PLCXD3: variants seen among roughly 807,000 people sequenced by gnomAD.
The protein encoded by PLCXD3 is phosphatidylinositol specific phospholipase C X domain containing 3.
Under a neutral mutation model 25.5 loss-of-function variants are expected in PLCXD3, and 19 were observed. That is an observed-to-expected ratio of 0.75 (90% CI 0.52 to 1.09). The LOEUF (loss-of-function observed/expected upper bound fraction) is 1.09. PLCXD3 is among the 50% of genes least tolerant of loss of function. PLCXD3 has a pLI of 0.00. For missense variants in PLCXD3, 411 were observed against 388.1 expected (o/e 1.06, Z -0.50); for synonymous variants, 174 against 137.6 (o/e 1.26, Z -1.85).
rs545196395 is a variant in PLCXD3, at chr5:41,390,184, GT to G, written c.104-7651del. Among the ~76,000 whole-genome samples, 163 of 152,026 alleles carry G rather than the reference GT, an allele frequency of 1.1e-3. 1 individual carries two copies. The highest frequency in any genetic ancestry group is 3.7e-3 in the African/African-American group (154 of 41,472). On this transcript the variant is annotated intron_variant, in intron 1 of 2. Coordinates refer to ENST00000377801, the MANE Select transcript of PLCXD3 (RefSeq NM_001005473.3). ...TCCTATATTGTTGTATGTATCAGTA[GT>G]TTTTTTTCTTTTTATTGCTAAATCA...
chr5:41,494,957 AAT>A (rs1748802646), intron 1 of PLCXD3, among the ~76,000 whole-genome samples: 3 of 152,352 alleles, frequency 2.0e-5, no homozygotes, highest in Admixed American at 2.0e-4. Context: ...GGTTAGGAGT[AAT>A]GTCAGCAAGA....
chr5:41,489,662 A>C (rs897157636), intron 1 of PLCXD3, among the ~76,000 whole-genome samples: 3 of 151,754 alleles, frequency 2.0e-5, no homozygotes, highest in African/African-American at 7.3e-5. Flanking sequence ...TGTAAGTTGG[A>C]TTCCTAGGTA....
intron 1 of PLCXD3, among the ~76,000 whole-genome samples, chr5:41,420,305 T>C (rs1210943260): frequency 6.6e-6 from 1 of 152,182 alleles, no homozygotes; most frequent in Non-Finnish European, 1.5e-5. Flanking sequence ...GATGAATATA[T>C]TGTGCTCGTT....
chr5:41,403,398 G>GTTTTTTTTTTTTTTTTGTTGTTT (rs764950342), intron 1 of PLCXD3, among the ~76,000 whole-genome samples: 1 of 33,990 alleles, frequency 2.9e-5, no homozygotes, highest in Non-Finnish European at 6.5e-5. Context: ...TGACTTATTT[G>GTTTTTTTTTTTTTTTTGTTGTTT]TTGTTTTTTT....
At chr5:41,498,907 A>G (rs1404986604) in intron 1 of PLCXD3, among the ~76,000 whole-genome samples, 3 of 151,762 alleles carry the variant, frequency 2.0e-5, no homozygotes, top group Admixed American at 2.0e-4. Context: ...TAAAAATAAC[A>G]TGATCATATC....
intron 1 of PLCXD3, among the ~76,000 whole-genome samples, chr5:41,443,474 T>A (rs1747427768): frequency 6.6e-6 from 1 of 152,206 alleles, no homozygotes; most frequent in South Asian, 2.1e-4. Flanking sequence ...TGACTGTATA[T>A]ATATTAGTTG....
At chr5:41,362,982 T>C (rs182596959) in intron 2 of PLCXD3, among the ~76,000 whole-genome samples, 14 of 152,344 alleles carry the variant, frequency 9.2e-5, no homozygotes, top group Non-Finnish European at 8.8e-5. Context: ...GATCAGATTT[T>C]TTTTTACAAC....
At chr5:41,471,435 T>A (rs1216466327) in intron 1 of PLCXD3, among the ~76,000 whole-genome samples, 5 of 152,266 alleles carry the variant, frequency 3.3e-5, no homozygotes, top group Non-Finnish European at 7.4e-5. Flanking sequence ...TCGGTTTCCC[T>A]CAGCTGATGC....
rs913813673 is a variant in PLCXD3 at position 41,400,265 on chromosome 5, G to A, written c.104-17731C>T. Among the ~76,000 whole-genome samples the A allele has an allele frequency of 4.6e-5, 7 of 152,204 alleles. 2 individuals are homozygous for A. Among genetic ancestry groups the A allele is most frequent in the African/African-American group, 1.7e-4 (7 of 41,566 alleles). On this transcript the variant is annotated intron_variant, in intron 1 of 2. Transcript: ENST00000377801. The stretch of plus-strand genomic sequence containing the variant: ...GAATGTAAATTAGTGCAACCACTAT[G>A]GAGAACAGTTTGGAGGTTCCTCAAA...
intron 1 of PLCXD3, among the ~76,000 whole-genome samples, chr5:41,461,843 A>G (rs1747883106): frequency 6.6e-6 from 1 of 152,000 alleles, no homozygotes; most frequent in African/African-American, 2.4e-5. Context: ...GGGAAAACAC[A>G]TTAGAAATTG....
At chr5:41,345,141 G>A (rs570883173) in intron 2 of PLCXD3, among the ~76,000 whole-genome samples, 9 of 152,292 alleles carry the variant, frequency 5.9e-5, no homozygotes, top group African/African-American at 2.2e-4. Flanking sequence ...ATGAAGCAAG[G>A]CAACATTAGA....
chr5:41,430,567 C>T (rs889887279), intron 1 of PLCXD3, among the ~76,000 whole-genome samples: 2 of 152,096 alleles, frequency 1.3e-5, no homozygotes, highest in African/African-American at 2.4e-5. Flanking sequence ...GTTGGAGTTT[C>T]GCTTGCCTCT....
Position 41,309,473 on chromosome 5 carries a change from A to G in PLCXD3, c.*4144T>C, listed in dbSNP as rs1332262481. 1 of 152,518 alleles carries G rather than the reference A, an allele frequency of 6.6e-6. No homozygotes were observed. The highest frequency in any genetic ancestry group is 2.4e-5 in the African/African-American group (1 of 41,446). The allele number at this position is 152,518 out of a possible 1,614,324, so 9.4% of individuals were successfully genotyped here. On this transcript the variant is annotated 3_prime_UTR_variant, in exon 3 of 3. Transcript: ENST00000377801. Reference sequence around the variant, plus strand: ...CTGAGGACACTGTGCATTATTTTCTATTAGCAATTCAAAGTGAGCACTCTG... The same window carrying G: ...CTGAGGACACTGTGCATTATTTTCTGTTAGCAATTCAAAGTGAGCACTCTG...
chr5:41,342,645 T>C (rs1744183950), intron 2 of PLCXD3, among the ~76,000 whole-genome samples: 1 of 152,174 alleles, frequency 6.6e-6, no homozygotes, highest in Non-Finnish European at 1.5e-5. Flanking sequence ...CACTTCACTA[T>C]CTCATTCTTT....
At chr5:41,471,809 TCCCC>T (rs1359002093) in intron 1 of PLCXD3, among the ~76,000 whole-genome samples, 141 of 5,926 alleles carry the variant, frequency 0.024, 23 homozygotes, top group African/African-American at 0.035. Flanking sequence ...TCCCTTCCCC[TCCCC>T]TCCCGTCCCC....
At chr5:41,453,264 G>A (rs1747677056) in intron 1 of PLCXD3, among the ~76,000 whole-genome samples, 1 of 151,606 alleles carries the variant, frequency 6.6e-6, no homozygotes, top group Admixed American at 6.6e-5. Context: ...CTGCCAGAAA[G>A]CCTATCATAT....
chr5:41,385,793 C>T (rs895146701), intron 1 of PLCXD3, among the ~76,000 whole-genome samples: 1 of 152,048 alleles, frequency 6.6e-6, no homozygotes, highest in African/African-American at 2.4e-5. Flanking sequence ...TTGGAGAGGC[C>T]CATGTGACAC....
intron 1 of PLCXD3, among the ~76,000 whole-genome samples, chr5:41,508,024 A>G (rs1048706973): frequency 1.3e-5 from 2 of 152,240 alleles, no homozygotes; most frequent in Non-Finnish European, 2.9e-5. Flanking sequence ...GGATCTTCCA[A>G]ACAAATTTAC....
intron 1 of PLCXD3, among the ~76,000 whole-genome samples, chr5:41,479,652 TA>T (rs1748354503): frequency 6.6e-6 from 1 of 152,080 alleles, no homozygotes; most frequent in African/African-American, 2.4e-5. Flanking sequence ...AATATGCTAA[TA>T]ATAATTTTGC....
Sources: allele counts gnomAD v4.1 joint callset (sites outside exome capture counted in the v4.1 genomes callset), GRCh38; gene constraint gnomAD v4.1.1; transcripts MANE v1.5; gene names NCBI Gene and HGNC (gene_info 2026-07-23, HGNC 2026-07-21).